Variants in EPHA5 observed in about 807,000 individuals in gnomAD.
The protein encoded by EPHA5 is EPH receptor A5, also known as ephrin type-A receptor 5.
In EPHA5, 60 loss-of-function variants were observed where a neutral mutation model predicts 105.0. The ratio of observed to expected loss-of-function variants is 0.57; its 90% CI spans 0.46 to 0.71. The LOEUF is 0.71. Ranked by LOEUF, EPHA5 falls within the 30% of genes least tolerant of loss-of-function variation. EPHA5 has a pLI of 0.00. For missense variants in EPHA5, 1,218 were observed against 1,274.7 expected (o/e 0.96, Z 0.68); for synonymous variants, 513 against 449.1 (o/e 1.14, Z -1.80).
At position 65,321,384 on chromosome 4, in the gene EPHA5, T is replaced by C. The variant is rs370354587; in HGVS notation, c.*2730A>G. On this transcript the variant is annotated 3_prime_UTR_variant, in exon 17 of 17. Transcript: ENST00000613740. ...CTCACTACATTTTACTAGAGTTGGC[T>C]CCTCTCCTTGTTCCATTTCTCACAC... 3 of 230,396 alleles carry C rather than the reference T, an allele frequency of 1.3e-5. No homozygotes were observed. Among genetic ancestry groups the C allele is most frequent in the South Asian group, 1.8e-4 (1 of 5,504 alleles). 14.3% of individuals were successfully genotyped at this position (230,396 alleles called of 1,614,324 possible).
At chr4:65,568,330 C>A (rs2149369946) in intron 3 of EPHA5, among the ~76,000 whole-genome samples, 2 of 151,480 alleles carry the variant, frequency 1.3e-5, no homozygotes, top group Admixed American at 1.3e-4. Flanking sequence ...TAACACAATT[C>A]TATCTCTCAA....
chr4:65,601,762 G>A lies in EPHA5; in HGVS notation c.789C>T (p.Val263=), dbSNP rs2149437666. ...GAGGTTCATCGGTCACAGAATGGTT[G>A]ACACAGGAGCCTGACACTTCGAGCA... The part of the protein sequence containing the change: ...SQLLEVSGSC[V]NHSVTDEPPK... The change falls in exon 3 of 17, where the codon GTC becomes GTT. Residue 263 remains valine, a synonymous_variant. Transcript: ENST00000613740. The A allele has an allele frequency of 6.2e-7, 1 of 1,614,138 alleles. No homozygotes were observed. The highest frequency in any genetic ancestry group is 8.5e-7 in the Non-Finnish European group (1 of 1,180,022).
At chr4:65,409,176 T>C (rs1722667409) in intron 7 of EPHA5, among the ~76,000 whole-genome samples, 1 of 99,414 alleles carries the variant, frequency 1.0e-5, no homozygotes, top group Non-Finnish European at 1.9e-5. Context: ...AACATCACAC[T>C]CTAGGGACTG....
intron 2 of EPHA5, among the ~76,000 whole-genome samples, chr4:65,614,686 G>A (rs542544373): frequency 6.6e-6 from 1 of 151,706 alleles, no homozygotes; most frequent in Non-Finnish European, 1.5e-5. Flanking sequence ...GAGAAAACCT[G>A]GCAGAAATTG....
chr4:65,513,246 A>G (rs575278915), intron 3 of EPHA5, among the ~76,000 whole-genome samples: 1 of 152,346 alleles, frequency 6.6e-6, no homozygotes, highest in South Asian at 2.1e-4. Flanking sequence ...GTAAGCACAC[A>G]GATAGTATAA....
chr4:65,422,950 G>C (rs1053324738), intron 5 of EPHA5, among the ~76,000 whole-genome samples: 1 of 151,914 alleles, frequency 6.6e-6, no homozygotes, highest in Admixed American at 6.6e-5. Flanking sequence ...ATCAATTAAA[G>C]TCCACAGTTT....
intron 11 of EPHA5, 27 bp from the exon 12 acceptor site, chr4:65,353,130 C>T: frequency 6.9e-7 from 1 of 1,446,692 alleles, no homozygotes; most frequent in East Asian, 2.7e-5. Flanking sequence ...GTGATATAAC[C>T]TGCTGCTCTT....
intron 3 of EPHA5, among the ~76,000 whole-genome samples, chr4:65,521,963 C>A (rs138382117): frequency 1.3e-5 from 2 of 152,082 alleles, no homozygotes; most frequent in East Asian, 3.9e-4. Flanking sequence ...TTCTGAAAAT[C>A]ATTATGTAAC....
intron 5 of EPHA5, among the ~76,000 whole-genome samples, chr4:65,451,247 A>T (rs891628099): frequency 6.6e-6 from 1 of 152,184 alleles, no homozygotes; most frequent in African/African-American, 2.4e-5. Flanking sequence ...AAAAGAAATG[A>T]AAAAGGCCGT....
chr4:65,388,037 A>T (rs1397767741), intron 8 of EPHA5, among the ~76,000 whole-genome samples: 26 of 137,546 alleles, frequency 1.9e-4, no homozygotes, highest in African/African-American at 7.2e-4. Context: ...CTCATTGTTC[A>T]ATTCCCATCT....
chr4:65,546,145 A>T (rs914176313), intron 3 of EPHA5, among the ~76,000 whole-genome samples: 1 of 151,970 alleles, frequency 6.6e-6, no homozygotes, highest in Non-Finnish European at 1.5e-5. Context: ...TGAACATTTT[A>T]ACTTACTGCA....
At chr4:65,339,799 C>T (rs1033324388) in intron 14 of EPHA5, among the ~76,000 whole-genome samples, 1 of 152,072 alleles carries the variant, frequency 6.6e-6, no homozygotes, top group Non-Finnish European at 1.5e-5. Context: ...TCATGCCACA[C>T]TCACTTGGAC....
chr4:65,643,478 T>C, intron 1 of EPHA5, 51 bp from the exon 2 acceptor site: 3 of 1,397,094 alleles, frequency 2.1e-6, no homozygotes, highest in South Asian at 2.4e-5. Flanking sequence ...ATCATGAATA[T>C]TGTATCTCTA....
intron 1 of EPHA5, among the ~76,000 whole-genome samples, chr4:65,664,838 T>C (rs1490614863): frequency 6.6e-6 from 1 of 151,866 alleles, no homozygotes; most frequent in Non-Finnish European, 1.5e-5. Flanking sequence ...AAAATGCAAA[T>C]ACTACGATCA....
rs566541243 is a variant in EPHA5, at chr4:65,607,404, G to T, written c.247-5100C>A. ...TGAACAGGCAACCTACAGAATGGGA[G>T]AAAATTTCTGAAATCTACCCATCTG... is the stretch of plus-strand genomic sequence containing the variant. On this transcript the variant is annotated intron_variant, in intron 2 of 16. Coordinates refer to ENST00000613740, the MANE Select transcript of EPHA5 (RefSeq NM_001281766.3). Among the ~76,000 whole-genome samples the T allele has an allele frequency of 2.6e-5, 4 of 152,084 alleles. No homozygotes were observed. In the South Asian group the frequency reaches 8.3e-4, roughly 32 times the overall value.
chr4:65,602,752 C>T (rs533354818), intron 2 of EPHA5, among the ~76,000 whole-genome samples: 36 of 151,810 alleles, frequency 2.4e-4, no homozygotes, highest in African/African-American at 7.7e-4. Context: ...ATAAAAGGAT[C>T]GCAAATTTGA....
intron 3 of EPHA5, among the ~76,000 whole-genome samples, chr4:65,518,236 T>G (rs35768268): frequency 0.025 from 3,841 of 152,094 alleles, 63 homozygotes; most frequent in African/African-American, 0.03. Context: ...TAAATTAAAA[T>G]TTTTTCTTAC....
chr4:65,324,847 C>T (rs1028955703), intron 16 of EPHA5, among the ~76,000 whole-genome samples: 6 of 147,772 alleles, frequency 4.1e-5, no homozygotes, highest in East Asian at 2.0e-4. Context: ...ATATTACATG[C>T]TTTCAGAACA....
At chr4:65,500,573 G>T (rs1168949983) in intron 3 of EPHA5, among the ~76,000 whole-genome samples, 8 of 149,114 alleles carry the variant, frequency 5.4e-5, no homozygotes, top group Non-Finnish European at 1.2e-4. Flanking sequence ...CTGACAAATT[G>T]CATCGATTTT....
Sources: allele counts gnomAD v4.1 joint callset (sites outside exome capture counted in the v4.1 genomes callset), GRCh38; gene constraint gnomAD v4.1.1; transcripts MANE v1.5; gene names NCBI Gene and HGNC (gene_info 2026-07-23, HGNC 2026-07-21).